ZNF395: variants seen among roughly 807,000 people sequenced by gnomAD.
ZNF395 encodes the protein HD gene regulatory region-binding protein 2.
Under a neutral mutation model 57.7 loss-of-function variants are expected in ZNF395, and 20 were observed. The ratio of observed to expected loss-of-function variants is 0.35; its 90% confidence interval spans 0.24 to 0.50. The LOEUF is 0.50. ZNF395 is among the 20% of genes least tolerant of loss of function. The pLI, the probability that ZNF395 is intolerant of heterozygous loss-of-function variation, is 0.97. For missense variants in ZNF395, 606 were observed against 671.2 expected (o/e 0.90, Z 1.07); for synonymous variants, 295 against 275.9 (o/e 1.07, Z -0.69).
In ZNF395 at chr8:28,356,841, C is replaced by A; in HGVS notation, c.474-62G>T. The A allele has an allele frequency of 1.5e-6, 2 of 1,299,022 alleles. No homozygotes were observed. The highest frequency in any genetic ancestry group is 1.3e-5 in the South Asian group (1 of 74,440). The allele number at this position is 1,299,022 out of a possible 1,614,324, so 80.5% of individuals were successfully genotyped here. On this transcript the variant is annotated intron_variant, in intron 3 of 9. Coordinates refer to ENST00000344423, the MANE Select transcript of ZNF395 (RefSeq NM_018660.3). The surrounding 1 kb of genome is among the most constrained non-coding windows in gnomAD (Gnocchi z 4.0). ...TGGCATGGCGGGCCCATGGTCCTTG[C>A]AAAACGAGACACCACTTCTGGCTGG...
chr8:28,361,012 A>G lies in ZNF395; in HGVS notation c.113T>C (p.Leu38Pro), dbSNP rs1801842238. The G allele has an allele frequency of 1.9e-6, 3 of 1,610,840 alleles. No individual in the cohort carries two copies. Among genetic ancestry groups the G allele is most frequent in the Non-Finnish European group, 2.5e-6 (3 of 1,178,368 alleles). The change falls in exon 2 of 10, where the codon CTA becomes CCA. Residue 38 changes from leucine to proline, a missense_variant. By Grantham distance (98) the Leu-to-Pro change is moderately conservative. Around this residue, in one of 3 missense-constraint regions of ZNF395, gnomAD observed 309 missense variants for 374.7 expected, o/e 0.82. Transcript: ENST00000344423. ...GAAAGGCTGGGGAGCGGCCCCTTCTAGCAGTGGCTCCGAGGGTGGGGCAGC... is the reference window on the plus strand; with the variant it reads ...GAAAGGCTGGGGAGCGGCCCCTTCTGGCAGTGGCTCCGAGGGTGGGGCAGC... ...PSAAPPSEPL[L>P]EGAAPQPFTT...
At chr8:28,375,696 T>C (rs931794182) in intron 1 of ZNF395, among the ~76,000 whole-genome samples, 10 of 152,150 alleles carry the variant, frequency 6.6e-5, no homozygotes, top group Admixed American at 3.9e-4. Context: ...CTATCAGACG[T>C]TGGAAATCTC....
chr8:28,360,991 G>A lies in ZNF395; in HGVS notation c.134C>T (p.Pro45Leu), dbSNP rs772066865. ...GGGGGTGTCATCAGAGGTGGTGAAA[G>A]GCTGGGGAGCGGCCCCTTCTAGCAG... ...EPLLEGAAPQ[P>L]FTTSDDTPCQ... Residue 45 changes from proline (P) to leucine (L), a missense_variant, in exon 2 of 10, where the codon CCT becomes CTT. Around this residue, in one of 3 missense-constraint regions of ZNF395, gnomAD observed 309 missense variants for 374.7 expected, o/e 0.82. Coordinates refer to ENST00000344423, the MANE Select transcript of ZNF395 (RefSeq NM_018660.3). 1.2e-6 allele frequency: 2 copies of A among 1,612,222 alleles called. No individual in the cohort carries two copies. Among genetic ancestry groups the A allele is most frequent in the African/African-American group, 2.7e-5 (2 of 74,910 alleles).
At chr8:28,364,330 T>C (rs941783131) in intron 1 of ZNF395, among the ~76,000 whole-genome samples, 4 of 152,296 alleles carry the variant, frequency 2.6e-5, no homozygotes, top group Non-Finnish European at 5.9e-5. Flanking sequence ...GGTGTTTTTT[T>C]CCCTATGTTA....
At chr8:28,368,426 G>C (rs1031550064) in intron 1 of ZNF395, 2 of 152,166 alleles carry the variant, frequency 1.3e-5, no homozygotes, top group Non-Finnish European at 1.5e-5. Flanking sequence ...TTAGAGCTGA[G>C]AACACAGGTT....
intron 1 of ZNF395, among the ~76,000 whole-genome samples, chr8:28,362,983 G>C (rs946969896): frequency 6.6e-6 from 1 of 152,082 alleles, no homozygotes; most frequent in Admixed American, 6.5e-5. Flanking sequence ...TTCCTAGTTA[G>C]GTATCTGGTA....
intron 7 of ZNF395, 84 bp downstream of exon 7, chr8:28,351,411 T>G: frequency 6.9e-7 from 1 of 1,451,968 alleles, no homozygotes; most frequent in South Asian, 1.4e-5. Flanking sequence ...CAGCCTTCCA[T>G]CAGGGTGGTC....
At chr8:28,369,394 G>C (rs1563340995) in intron 1 of ZNF395, among the ~76,000 whole-genome samples, 2 of 152,152 alleles carry the variant, frequency 1.3e-5, no homozygotes, top group Non-Finnish European at 2.9e-5. Flanking sequence ...TGACTCACCT[G>C]GCTGGAATTA....
At chr8:28,350,196 G>GA (rs766805363) in intron 7 of ZNF395, 40 bp from the exon 8 acceptor site, 10 of 1,539,434 alleles carry the variant, frequency 6.5e-6, no homozygotes, top group Middle Eastern at 1.7e-4. Context: ...TCTAGCTCAG[G>GA]AAGTGTTCAG....
intron 4 of ZNF395, among the ~76,000 whole-genome samples, chr8:28,354,705 C>G (rs1189975328): frequency 6.6e-6 from 1 of 152,086 alleles, no homozygotes; most frequent in Non-Finnish European, 1.5e-5. Flanking sequence ...TCCTGGGAAC[C>G]AAGAGATTAC....
rs765859733 is a variant in ZNF395, at chr8:28,360,953, G to A, written c.172C>T (p.Pro58Ser). 1.2e-6 allele frequency: 2 copies of A among 1,613,822 alleles called. No individual in the cohort carries two copies. Among genetic ancestry groups the A allele is most frequent in the South Asian group, 1.1e-5 (1 of 91,076 alleles). The change falls in exon 2 of 10, where the codon CCC becomes TCC. Residue 58 changes from proline (P) to serine (S), a missense_variant. This residue lies in a region of ZNF395 where 309 missense variants were observed against 374.7 expected (regional missense o/e 0.82). Coordinates refer to ENST00000344423, the MANE Select transcript of ZNF395 (RefSeq NM_018660.3). Reference sequence around the variant, plus strand: ...CTGGGAGCCTTAAGGACTTCCTTGGGCTGCTCCTGGCAGGGGGTGTCATCA... The same window carrying A: ...CTGGGAGCCTTAAGGACTTCCTTGGACTGCTCCTGGCAGGGGGTGTCATCA... ...TSDDTPCQEQ[P>S]KEVLKAPSTS...
At chr8:28,374,437 G>A (rs759044463) in intron 1 of ZNF395, among the ~76,000 whole-genome samples, 4 of 152,126 alleles carry the variant, frequency 2.6e-5, no homozygotes, top group Non-Finnish European at 5.9e-5. Flanking sequence ...GAATGTGTTC[G>A]TGTACTAACT....
Position 28,350,060 on chromosome 8 carries a change from T to C in ZNF395, c.1326+4A>G, listed in dbSNP as rs1328012943. ...GGCCCCAGCCGTGCTGCCCGCACAC[T>C]CACCGGAGAGAGAGAGCAGGCGGCG... On this transcript the variant is annotated splice_donor_region_variant and intron_variant, in intron 8 of 9. Transcript: ENST00000344423. The C allele has an allele frequency of 1.9e-6, 3 of 1,594,316 alleles. No homozygotes were observed. In the South Asian group the frequency reaches 3.4e-5, roughly 18 times the overall value.
chr8:28,374,177 G>A (rs1357570111), intron 1 of ZNF395, among the ~76,000 whole-genome samples: 1 of 152,224 alleles, frequency 6.6e-6, no homozygotes, highest in Admixed American at 6.5e-5. Context: ...TTGCATAGGA[G>A]CCGGGAACTA....
At chr8:28,355,727 T>G (rs1031227694) in intron 4 of ZNF395, among the ~76,000 whole-genome samples, 4 of 152,258 alleles carry the variant, frequency 2.6e-5, no homozygotes, top group Non-Finnish European at 5.9e-5. Flanking sequence ...CATGCAATAC[T>G]AAGCTTCACA....
At chr8:28,363,811 C>CT (rs948999051) in intron 1 of ZNF395, among the ~76,000 whole-genome samples, 1 of 151,858 alleles carries the variant, frequency 6.6e-6, no homozygotes, top group Non-Finnish European at 1.5e-5. Flanking sequence ...AAGCCTTATT[C>CT]TTTTTTTTAA....
chr8:28,354,186 C>T (rs1274215588), intron 4 of ZNF395, among the ~76,000 whole-genome samples: 3 of 152,194 alleles, frequency 2.0e-5, no homozygotes, highest in African/African-American at 7.2e-5. Context: ...CTGCTGGGCT[C>T]CTGAATGCCT....
chr8:28,355,704 C>T (rs1801770676), intron 4 of ZNF395, among the ~76,000 whole-genome samples: 3 of 152,204 alleles, frequency 2.0e-5, no homozygotes, highest in South Asian at 2.1e-4. Flanking sequence ...TTTGGCTGCG[C>T]TAATAGAGCA....
At chr8:28,349,000 ATC>A (rs1801643987) in intron 9 of ZNF395, 123 bp downstream of exon 9, 1 of 1,168,096 alleles carries the variant, frequency 8.6e-7, no homozygotes, top group African/African-American at 1.5e-5. Context: ...CATCTGGTGC[ATC>A]CGCCATCTGG....
Sources: gnomAD v4.1 joint callset for allele counts (sites outside exome capture counted in the v4.1 genomes callset) on GRCh38, gnomAD v4.1.1 for gene constraint, gnomAD v4.1.1 regional missense constraint, Gnocchi (gnomAD v3.1) non-coding constraint, MANE v1.5 for transcripts, NCBI Gene and HGNC (gene_info 2026-07-23, HGNC 2026-07-21) for gene names.